The following PKNOX2 variants were observed in gnomAD, a reference collection of about 807,000 sequenced individuals.
PKNOX2 encodes the protein PBX/knotted 1 homeobox 2.
A neutral mutation model predicts 53.1 loss-of-function variants in PKNOX2; 14 were observed. The observed-to-expected ratio is 0.26, with a 90% CI of 0.17 to 0.41. PKNOX2 has a LOEUF of 0.41. Among genes scored for constraint, PKNOX2 ranks in the 10% least tolerant of loss-of-function variants. PKNOX2 has a pLI of 1.00. For missense variants in PKNOX2, 496 were observed against 602.8 expected, an observed-to-expected ratio of 0.82 and a Z score of 1.85; for synonymous variants, 257 against 242.8, an observed-to-expected ratio of 1.06 and a Z score of -0.54.
intron 1 of PKNOX2, among the ~76,000 whole-genome samples, chr11:125,212,351 C>A (rs1439083387): frequency 2.0e-5 from 3 of 152,088 alleles, no homozygotes; most frequent in East Asian, 3.9e-4. Flanking sequence ...CAGGACTAAT[C>A]CTTCTGGTCC....
chr11:125,277,952 C>T (rs1159393478), intron 2 of PKNOX2, among the ~76,000 whole-genome samples: 1 of 152,102 alleles, frequency 6.6e-6, no homozygotes, highest in Non-Finnish European at 1.5e-5. Context: ...TGTAGTTGCT[C>T]ATGCCTATAA....
chr11:125,342,503 C>T (rs80091916), intron 3 of PKNOX2, among the ~76,000 whole-genome samples: 14,146 of 152,096 alleles, frequency 0.093, 2,139 homozygotes, highest in African/African-American at 0.32. Context: ...GGTGGGAGCC[C>T]GAGAGGGCTG....
intron 4 of PKNOX2, among the ~76,000 whole-genome samples, chr11:125,363,264 C>G (rs1052687574): frequency 1.3e-5 from 2 of 152,266 alleles, no homozygotes; most frequent in African/African-American, 4.8e-5. Flanking sequence ...CACAATGTCA[C>G]ATCTCATAGG....
chr11:125,304,762 C>A (rs1948316495), intron 2 of PKNOX2, among the ~76,000 whole-genome samples: 1 of 152,218 alleles, frequency 6.6e-6, no homozygotes, highest in Admixed American at 6.5e-5. Context: ...CCTAGACACT[C>A]TTGGGCATTC....
At chr11:125,377,510 C>G (rs1003965643) in intron 5 of PKNOX2, among the ~76,000 whole-genome samples, 1 of 152,154 alleles carries the variant, frequency 6.6e-6, no homozygotes, top group Non-Finnish European at 1.5e-5. Context: ...CACACGAGAG[C>G]AAAGGGCAAA....
intron 1 of PKNOX2, among the ~76,000 whole-genome samples, chr11:125,199,224 G>T (rs1224579162): frequency 1.3e-5 from 2 of 151,902 alleles, no homozygotes; most frequent in Non-Finnish European, 2.9e-5. Flanking sequence ...TTTCCCTTGT[G>T]CTCTGCTGAC....
rs55812201 is a variant in PKNOX2 at position 125,178,676 on chromosome 11, AAG to A, written c.-201+13922_-201+13923del. Among the ~76,000 whole-genome samples, 20 of 98,862 alleles carry A rather than the reference AAG, an allele frequency of 2.0e-4. 3 individuals are homozygous for A. The highest frequency in any genetic ancestry group is 7.8e-4 in the African/African-American group (14 of 17,972). 64.9% of individuals were successfully genotyped at this position (98,862 alleles called of 152,430 possible). A position where few individuals can be genotyped will look rare whatever the true frequency, so the allele number is the denominator to read the frequency against. Reference sequence around the variant, plus strand: ...AAGGAAGGAAGGAAGGAAGGAAAGAAAGAGAGAGAGAGAGAGAGAGAGAAAGA... The same window carrying A: ...AAGGAAGGAAGGAAGGAAGGAAAGAAAGAGAGAGAGAGAGAGAGAGAAAGA... On this transcript the variant is annotated intron_variant, in intron 1 of 12. Coordinates refer to ENST00000298282, the MANE Select transcript of PKNOX2 (RefSeq NM_001382323.2).
At chr11:125,257,073 C>A (rs983151199) in intron 2 of PKNOX2, among the ~76,000 whole-genome samples, 1 of 151,500 alleles carries the variant, frequency 6.6e-6, no homozygotes, top group Admixed American at 6.6e-5. Context: ...GCTTCAGTTA[C>A]AATTTTAATT....
chr11:125,293,396 A>C (rs1044578293), intron 2 of PKNOX2, among the ~76,000 whole-genome samples: 13 of 152,210 alleles, frequency 8.5e-5, no homozygotes, highest in African/African-American at 3.1e-4. Context: ...AGTGTTTTTC[A>C]GAAGGAGTTT....
chr11:125,270,458 G>A (rs1295648082), intron 2 of PKNOX2, among the ~76,000 whole-genome samples: 2 of 152,154 alleles, frequency 1.3e-5, no homozygotes, highest in Non-Finnish European at 1.5e-5. Context: ...GCTTTCATGT[G>A]GCATTTGTCA....
chr11:125,313,188 G>A (rs1016292544), intron 2 of PKNOX2, among the ~76,000 whole-genome samples: 3 of 152,164 alleles, frequency 2.0e-5, no homozygotes, highest in Non-Finnish European at 4.4e-5. Flanking sequence ...GCACCCCCAG[G>A]TTTGTTTCTT....
intron 10 of PKNOX2, among the ~76,000 whole-genome samples, chr11:125,415,619 G>C (rs1955831539): frequency 6.6e-6 from 1 of 152,080 alleles, no homozygotes; most frequent in South Asian, 2.1e-4. Context: ...ATCCCCCTTG[G>C]TGTTTTCACT....
At chr11:125,410,139 C>G in intron 7 of PKNOX2, 57 bp from the exon 8 acceptor site, 1 of 1,593,210 alleles carries the variant, frequency 6.3e-7, no homozygotes, top group Non-Finnish European at 8.6e-7. Flanking sequence ...GACTCTGGGG[C>G]TGTAGGGTCT....
chr11:125,247,104 G>T (rs944806603), intron 2 of PKNOX2, among the ~76,000 whole-genome samples: 2 of 152,148 alleles, frequency 1.3e-5, no homozygotes, highest in Non-Finnish European at 2.9e-5. Context: ...AGGGCCTCTT[G>T]TCTCCTCCCA....
At chr11:125,226,970 C>T (rs1042289442) in intron 1 of PKNOX2, among the ~76,000 whole-genome samples, 4 of 152,022 alleles carry the variant, frequency 2.6e-5, no homozygotes, top group African/African-American at 9.7e-5. Context: ...CAGGCCTTGG[C>T]TCCCTTATCC....
intron 2 of PKNOX2, among the ~76,000 whole-genome samples, chr11:125,287,460 C>T (rs1946978421): frequency 6.6e-6 from 1 of 152,202 alleles, no homozygotes; most frequent in African/African-American, 2.4e-5. Flanking sequence ...GCCAAATGCT[C>T]TAAGGCCCTT....
At chr11:125,268,810 A>G (rs1945553816) in intron 2 of PKNOX2, among the ~76,000 whole-genome samples, 1 of 152,074 alleles carries the variant, frequency 6.6e-6, no homozygotes, top group African/African-American at 2.4e-5. Context: ...TGGCTGCATC[A>G]TCTCTGAGAA....
intron 2 of PKNOX2, among the ~76,000 whole-genome samples, chr11:125,246,849 T>C (rs946892402): frequency 6.6e-6 from 1 of 152,166 alleles, no homozygotes; most frequent in Non-Finnish European, 1.5e-5. Context: ...GAGATGAGGA[T>C]GGGCAACCCC....
rs373502955 is a variant in PKNOX2, at chr11:125,287,018, G to A, written c.-129-44801G>A. On this transcript the variant is annotated intron_variant, in intron 2 of 12. Transcript: ENST00000298282. ...CTCACTTGATCCTCCAGCTTCTGAG[G>A]TCTCTGATGCCTGTGAATTTGCCGC... 2.0e-5 allele frequency among the ~76,000 whole-genome samples: 3 copies of A among 152,210 alleles called. No homozygotes were observed. In the East Asian group the frequency reaches 5.8e-4, roughly 29 times the overall value.
Sources: allele counts gnomAD v4.1 joint callset (sites outside exome capture counted in the v4.1 genomes callset), GRCh38; gene constraint gnomAD v4.1.1; transcripts MANE v1.5; gene names NCBI Gene and HGNC (gene_info 2026-07-23, HGNC 2026-07-21).